Variants in ST3GAL6 observed in about 807,000 individuals in gnomAD.
ST3GAL6 encodes the protein ST3 beta-galactoside alpha-2,3-sialyltransferase 6.
A neutral mutation model predicts 40.5 loss-of-function variants in ST3GAL6; 31 were observed. The ratio of observed to expected loss-of-function variants is 0.77; its 90% CI spans 0.58 to 1.03. The LOEUF is 1.03. Among genes scored for constraint, ST3GAL6 ranks in the 50% least tolerant of loss-of-function variants. The pLI, the probability that ST3GAL6 is intolerant of heterozygous loss-of-function variation, is 0.00. For synonymous variants in ST3GAL6, 129 were observed against 136.9 expected, an observed-to-expected ratio of 0.94 and a Z score of 0.40; for missense variants, 357 against 393.2, an observed-to-expected ratio of 0.91 and a Z score of 0.78.
At chr3:98,792,074 A>C in intron 9 of ST3GAL6, 81 bp downstream of exon 9, 1 of 1,350,558 alleles carries the variant, frequency 7.4e-7, no homozygotes, top group South Asian at 2.0e-5. Context: ...TTCTCTTCTC[A>C]CACTCATTTT....
chr3:98,790,726 T>C (rs547237503), intron 8 of ST3GAL6, among the ~76,000 whole-genome samples: 2 of 152,170 alleles, frequency 1.3e-5, no homozygotes, highest in South Asian at 2.1e-4. Context: ...GGTGGTAATA[T>C]AGGTTCTGTG....
At chr3:98,748,427 T>G (rs1315419843) in intron 1 of ST3GAL6, among the ~76,000 whole-genome samples, 2 of 152,070 alleles carry the variant, frequency 1.3e-5, no homozygotes, top group Non-Finnish European at 2.9e-5. Context: ...ATGTAGTAAG[T>G]GTGCAAAAAA....
intron 1 of ST3GAL6, chr3:98,733,145 T>C: frequency 8.0e-7 from 1 of 1,255,968 alleles, no homozygotes; most frequent in Middle Eastern, 3.0e-4. Flanking sequence ...GAGCGCTGTT[T>C]GCCCCTCCAC....
At chr3:98,734,382 G>T (rs1935339243) in intron 1 of ST3GAL6, among the ~76,000 whole-genome samples, 1 of 152,138 alleles carries the variant, frequency 6.6e-6, no homozygotes, top group South Asian at 2.1e-4. Flanking sequence ...TCTGAGTAAG[G>T]CCAAATTCCA....
intron 1 of ST3GAL6, among the ~76,000 whole-genome samples, chr3:98,744,229 G>A (rs2107300389): frequency 6.6e-6 from 1 of 152,300 alleles, no homozygotes; most frequent in Admixed American, 6.5e-5. Context: ...CTTGATTTCA[G>A]ACTTCTGGCC....
chr3:98,734,112 G>T (rs1935313634), intron 1 of ST3GAL6, among the ~76,000 whole-genome samples: 1 of 152,102 alleles, frequency 6.6e-6, no homozygotes, highest in Non-Finnish European at 1.5e-5. Flanking sequence ...CCTCTTTTAG[G>T]CTAGCCCGAA....
intron 2 of ST3GAL6, among the ~76,000 whole-genome samples, chr3:98,768,916 T>A (rs969951891): frequency 4.6e-5 from 7 of 152,262 alleles, no homozygotes; most frequent in African/African-American, 1.7e-4. Flanking sequence ...TGGTTTCCTT[T>A]GTTTAAATAT....
At chr3:98,755,041 TTTTA>T (rs1937318257) in intron 1 of ST3GAL6, among the ~76,000 whole-genome samples, 2 of 152,306 alleles carry the variant, frequency 1.3e-5, no homozygotes, top group East Asian at 1.9e-4. Flanking sequence ...TGAATTTATT[TTTTA>T]TTTATTTGTT....
upstream of ST3GAL6, among the ~76,000 whole-genome samples, chr3:98,761,817 G>T (rs1312930220): frequency 6.6e-6 from 1 of 152,172 alleles, no homozygotes; most frequent in African/African-American, 2.4e-5. Context: ...TACTTGCAAT[G>T]GACCTGAGTC....
At chr3:98,749,128 G>T (rs1378404896) in intron 1 of ST3GAL6, among the ~76,000 whole-genome samples, 1 of 152,134 alleles carries the variant, frequency 6.6e-6, no homozygotes, top group African/African-American at 2.4e-5. Context: ...CTTTATTGAA[G>T]AAATCAACAA....
chr3:98,744,811 G>A (rs1248863876), intron 1 of ST3GAL6, among the ~76,000 whole-genome samples: 2 of 151,914 alleles, frequency 1.3e-5, no homozygotes, highest in Non-Finnish European at 2.9e-5. Flanking sequence ...TCCAAATAGT[G>A]TGGCATGTTG....
chr3:98,778,818 G>A (rs758015256), intron 5 of ST3GAL6, among the ~76,000 whole-genome samples: 4 of 152,156 alleles, frequency 2.6e-5, no homozygotes, highest in Non-Finnish European at 4.4e-5. Context: ...GGATCTCCTG[G>A]CTGCAAGTAA....
chr3:98,740,817 G>C (rs376964914), intron 1 of ST3GAL6, among the ~76,000 whole-genome samples: 3 of 151,996 alleles, frequency 2.0e-5, no homozygotes, highest in African/African-American at 4.8e-5. Flanking sequence ...TCCTCAATTA[G>C]TTAAAAATTG....
intron 3 of ST3GAL6, among the ~76,000 whole-genome samples, chr3:98,771,919 A>G (rs200475177): frequency 2.7e-5 from 4 of 150,666 alleles, no homozygotes; most frequent in African/African-American, 7.3e-5. Flanking sequence ...AGAAAAAAAA[A>G]GAATTTTTAC....
At position 98,791,953 on chromosome 3, in the gene ST3GAL6, TGCACTACTATGGGAA is replaced by T. The variant is rs773245198; in HGVS notation, c.870_884del (p.Leu290_Asn295delinsPhe). 1.2e-6 allele frequency: 2 copies of T among 1,613,912 alleles called. No individual in the cohort carries two copies. The highest frequency in any genetic ancestry group is 1.7e-6 in the Non-Finnish European group (2 of 1,179,896). ...AACTTTTCTGACCTCAAGAGTCCTTTGCACTACTATGGGAATGCCACCATGTCTTTGATGAATAAG... is the reference window on the plus strand; with the variant it reads ...AACTTTTCTGACCTCAAGAGTCCTTTTGCCACCATGTCTTTGATGAATAAG... On this transcript the variant is annotated inframe_deletion, in exon 9 of 10. Transcript: ENST00000483910.
At position 98,791,821 on chromosome 3, in the gene ST3GAL6, T is replaced by G; in HGVS notation, c.757-20T>G. ...GTAGCTCCTTTTGCTTAAAAAAGTT[T>G]TTTTCATCCCCTCCCCCAGAAACCT... On this transcript the variant is annotated intron_variant, in intron 8 of 9. Coordinates refer to ENST00000483910, the MANE Select transcript of ST3GAL6 (RefSeq NM_001323368.2). 1 of 1,591,506 alleles carries G rather than the reference T, an allele frequency of 6.3e-7. No homozygotes were observed.
chr3:98,776,105 A>G (rs1291108347), intron 5 of ST3GAL6, among the ~76,000 whole-genome samples: 1 of 152,216 alleles, frequency 6.6e-6, no homozygotes, highest in African/African-American at 2.4e-5. Context: ...TATATTTATG[A>G]CACTATTATC....
At chr3:98,769,723 T>C (rs1398446461) in intron 2 of ST3GAL6, among the ~76,000 whole-genome samples, 2 of 152,254 alleles carry the variant, frequency 1.3e-5, no homozygotes, top group East Asian at 1.9e-4. Context: ...GTTTGTGCAA[T>C]GAACTTGCTT....
intron 5 of ST3GAL6, among the ~76,000 whole-genome samples, chr3:98,779,594 G>A (rs1939880153): frequency 3.3e-5 from 5 of 152,174 alleles, no homozygotes; most frequent in Admixed American, 2.6e-4. Context: ...TGTGTTTAAT[G>A]TTTCCCTCTG....
Sources: allele counts gnomAD v4.1 joint callset (sites outside exome capture counted in the v4.1 genomes callset), GRCh38; gene constraint gnomAD v4.1.1; transcripts MANE v1.5; gene names NCBI Gene and HGNC (gene_info 2026-07-23, HGNC 2026-07-21).